The following HIVEP2 variants were observed in gnomAD, a reference collection of about 807,000 sequenced individuals.
HIVEP2 encodes transcription factor HIVEP2.
In HIVEP2, 14 loss-of-function variants were observed where a neutral mutation model predicts 180.7. The observed-to-expected ratio is 0.08, with a 90% confidence interval of 0.05 to 0.12. The LOEUF (loss-of-function observed/expected upper bound fraction) is 0.12. Among genes scored for constraint, HIVEP2 ranks in the 10% least tolerant of loss-of-function variants. HIVEP2 has a pLI of 1.00. For missense variants in HIVEP2, 2,579 were observed against 3,008.5 expected, an observed-to-expected ratio of 0.86 and a Z score of 3.34; for synonymous variants, 1,184 against 1,136.4, an observed-to-expected ratio of 1.04 and a Z score of -0.84.
At chr6:142,874,383 T>C (rs1007198657) in intron 1 of HIVEP2, among the ~76,000 whole-genome samples, 15 of 152,306 alleles carry the variant, frequency 9.8e-5, no homozygotes, top group Admixed American at 5.2e-4. Flanking sequence ...GTTTAGTTGC[T>C]TTTTTAAAAA....
rs1445035522 is a variant in HIVEP2, at chr6:142,904,309, T to G, written c.-641+40790A>C. Among the ~76,000 whole-genome samples the G allele has an allele frequency of 4.6e-5, 7 of 152,332 alleles. No individual in the cohort carries two copies. In the South Asian group the frequency reaches 1.0e-3, roughly 23 times the overall value. On this transcript the variant is annotated intron_variant, in intron 1 of 9. Transcript: ENST00000367603. Reference sequence around the variant, plus strand: ...TTATACATTTACCTTTAAAAATCATTTCCGGAAAAATTAGTAATTAACATT... The same window carrying G: ...TTATACATTTACCTTTAAAAATCATGTCCGGAAAAATTAGTAATTAACATT...
intron 1 of HIVEP2, among the ~76,000 whole-genome samples, chr6:142,919,566 C>T (rs1777640667): frequency 6.6e-6 from 1 of 152,124 alleles, no homozygotes; most frequent in African/African-American, 2.4e-5. Context: ...ACACATGTCA[C>T]AATGCAGTTT....
intron 1 of HIVEP2, among the ~76,000 whole-genome samples, chr6:142,937,362 C>T (rs1170680925): frequency 1.3e-5 from 2 of 152,106 alleles, no homozygotes; most frequent in African/African-American, 4.8e-5. Flanking sequence ...TTAATAATAA[C>T]CCATAGCTAC....
intron 2 of HIVEP2, among the ~76,000 whole-genome samples, chr6:142,824,097 C>T (rs537963488): frequency 6.6e-6 from 1 of 152,050 alleles, no homozygotes; most frequent in African/African-American, 2.4e-5. Context: ...ACATTACATG[C>T]TTAAATCCTT....
intron 2 of HIVEP2, among the ~76,000 whole-genome samples, chr6:142,811,472 C>G (rs764677320): frequency 8.5e-5 from 13 of 152,130 alleles, no homozygotes; most frequent in Non-Finnish European, 1.6e-4. Flanking sequence ...TGTGCAATGG[C>G]TAAAATTTCA....
In HIVEP2 at chr6:142,865,834, T is replaced by C. The variant is rs573771051; in HGVS notation, c.-640-28787A>G. On this transcript the variant is annotated intron_variant, in intron 1 of 9. Coordinates refer to ENST00000367603, the MANE Select transcript of HIVEP2 (RefSeq NM_006734.4). ...CTTGGGACGAGTTATGAACAACCTA[T>C]ACAAGCTTTTTAATAATCTTAACTT... is the stretch of plus-strand genomic sequence containing the variant. 8.5e-5 allele frequency among the ~76,000 whole-genome samples: 13 copies of C among 152,254 alleles called. No homozygotes were observed. In the South Asian group the frequency reaches 1.2e-3, roughly 15 times the overall value.
rs2114648500 is a variant in HIVEP2 at position 142,770,748 on chromosome 6, C to T, written c.3991G>A (p.Gly1331Arg). 1.2e-6 allele frequency: 2 copies of T among 1,614,174 alleles called. No homozygotes were observed. Among genetic ancestry groups the T allele is most frequent in the South Asian group, 1.1e-5 (1 of 91,080 alleles). The stretch of plus-strand genomic sequence containing the variant: ...TGGATCCGAACAGGAACCACTGTTC[C>T]TGGGAGGGACTGCAAAGACCCAGCA... ...ANAGSLQSLPGTVVPVRIQTH... is the reference protein window; with the variant it reads ...ANAGSLQSLPRTVVPVRIQTH... Residue 1331 changes from glycine to arginine, a missense_variant, in exon 5 of 10, where the codon GGA becomes AGA. Coordinates refer to ENST00000367603, the MANE Select transcript of HIVEP2 (RefSeq NM_006734.4). The surrounding 1 kb of genome is among the most constrained non-coding windows in gnomAD (Gnocchi z 4.7).
intron 1 of HIVEP2, among the ~76,000 whole-genome samples, chr6:142,891,756 C>G (rs971443290): frequency 6.6e-6 from 1 of 152,210 alleles, no homozygotes; most frequent in Non-Finnish European, 1.5e-5. Context: ...TGCAATTCAG[C>G]TAATTCGGCA....
chr6:142,862,372 T>C (rs1776000607), intron 1 of HIVEP2, among the ~76,000 whole-genome samples: 1 of 150,134 alleles, frequency 6.7e-6, no homozygotes, highest in Non-Finnish European at 1.5e-5. Context: ...ATGTAATACA[T>C]ATAATCGATT....
Position 142,768,486 on chromosome 6 carries a change from T to G in HIVEP2, c.5238A>C (p.Leu1746=). 1 of 1,613,530 alleles carries G rather than the reference T, an allele frequency of 6.2e-7. No homozygotes were observed. Among genetic ancestry groups the G allele is most frequent in the Non-Finnish European group, 8.5e-7 (1 of 1,179,678 alleles). Residue 1746 remains leucine (L), a synonymous_variant, in exon 6 of 10, where the codon CTA becomes CTC. Transcript: ENST00000367603. ...CTCTTTCCTTTAAGATATTTCCCAC[T>G]AGTTTCCTTTCTAGTTTGCTGCCAA... The part of the protein sequence containing the change: ...FLFGSKLERK[L]VGNILKERGK...
At chr6:142,932,912 A>G (rs1229987761) in intron 1 of HIVEP2, among the ~76,000 whole-genome samples, 1 of 152,226 alleles carries the variant, frequency 6.6e-6, no homozygotes, top group African/African-American at 2.4e-5. Context: ...TCACCAGTTG[A>G]CAAACCAAAA....
chr6:142,773,425 G>T lies in HIVEP2; in HGVS notation c.1314C>A (p.Leu438=). The T allele has an allele frequency of 6.2e-7, 1 of 1,614,194 alleles. No homozygotes were observed. The highest frequency in any genetic ancestry group is 8.5e-7 in the Non-Finnish European group (1 of 1,180,046). Residue 438 remains leucine, a synonymous_variant, in exon 5 of 10, where the codon CTC becomes CTA. Transcript: ENST00000367603. ...GCTCCTGACTTGTGGTTGTAACACT[G>T]AGTGCATTTCTCGGACTAAGCCGAC... ...KYCRLSPRNA[L]SVTTTSQERA...
intron 1 of HIVEP2, among the ~76,000 whole-genome samples, chr6:142,909,411 T>C (rs572221890): frequency 4.6e-5 from 7 of 152,192 alleles, no homozygotes; most frequent in Non-Finnish European, 1.0e-4. Context: ...TATATGAGTA[T>C]TTATAATCTG....
chr6:142,854,049 T>C (rs991604313), intron 1 of HIVEP2, among the ~76,000 whole-genome samples: 9 of 152,162 alleles, frequency 5.9e-5, no homozygotes, highest in Middle Eastern at 3.2e-3. Flanking sequence ...TTCTCAGTCT[T>C]TGTTTCTTAC....
chr6:142,936,736 G>A (rs1388652160), intron 1 of HIVEP2, among the ~76,000 whole-genome samples: 1 of 151,942 alleles, frequency 6.6e-6, no homozygotes, highest in Non-Finnish European at 1.5e-5. Flanking sequence ...CAGAGATCCT[G>A]TAAACACTGA....
intron 3 of HIVEP2, among the ~76,000 whole-genome samples, 167 bp downstream of exon 3, chr6:142,783,354 C>T (rs973873953): frequency 8.6e-6 from 1 of 116,346 alleles, no homozygotes; most frequent in Non-Finnish European, 1.8e-5. Context: ...AAAAAAAAGA[C>T]TAGTCTACTA....
chr6:142,785,157 G>A lies in HIVEP2; in HGVS notation c.-527-1542C>T, dbSNP rs187779807. Among the ~76,000 whole-genome samples the A allele has an allele frequency of 3.8e-4, 58 of 151,884 alleles. No homozygotes were observed. The East Asian group carries it at 0.01, about 27-fold the overall frequency. ...ACCTGCCTTGGCCTCCCAAAGTGCC[G>A]GGATTACAGGCGTGAGCCACCGTGC... On this transcript the variant is annotated intron_variant, in intron 2 of 9. Coordinates refer to ENST00000367603, the MANE Select transcript of HIVEP2 (RefSeq NM_006734.4).
chr6:142,794,233 T>A (rs1776229211), intron 2 of HIVEP2: 1 of 152,174 alleles, frequency 6.6e-6, no homozygotes, highest in South Asian at 2.1e-4. Flanking sequence ...ATTTCTACTT[T>A]TCTTTCCCAT....
In HIVEP2 at chr6:142,759,979, T is replaced by C. The variant is rs1485464011; in HGVS notation, c.6309A>G (p.Arg2103=). 6 of 1,613,854 alleles carry C rather than the reference T, an allele frequency of 3.7e-6. No homozygotes were observed. The highest frequency in any genetic ancestry group is 5.1e-6 in the Non-Finnish European group (6 of 1,179,988). Residue 2103 remains arginine (R), a synonymous_variant, in exon 9 of 10, where the codon AGA becomes AGG. Coordinates refer to ENST00000367603, the MANE Select transcript of HIVEP2 (RefSeq NM_006734.4). ...EAALRREMSQ[R]DVSPRRHLSP... is the part of the protein sequence containing the mutation. ...ACAAATGCCTTCTTGGTGAAACATC[T>C]CTTTGGGACATCTCTCTTCTCAATG...
Sources: gnomAD v4.1 joint callset for allele counts (sites outside exome capture counted in the v4.1 genomes callset) on GRCh38, gnomAD v4.1.1 for gene constraint, Gnocchi (gnomAD v3.1) non-coding constraint, MANE v1.5 for transcripts, NCBI Gene and HGNC (gene_info 2026-07-23, HGNC 2026-07-21) for gene names.